BCAP31: variants seen among roughly 807,000 people sequenced by gnomAD.
The protein encoded by BCAP31 is B-cell receptor-associated protein 31.
For synonymous variants in BCAP31, 75 were observed against 80.9 expected, an observed-to-expected ratio of 0.93 and a Z score of 0.39; for missense variants, 124 against 193.0, an observed-to-expected ratio of 0.64 and a Z score of 2.12.
In BCAP31 at chrX:153,713,049, T is replaced by C. The variant is rs191805042; in HGVS notation, c.341+2493A>G. ...GGTGAAACCCCGTCTCTACTAAAAA[T>C]ACAAAAAATTAGCAGGGCATGGTGG... is the stretch of plus-strand genomic sequence containing the variant. On this transcript the variant is annotated intron_variant, in intron 4 of 7. Coordinates refer to ENST00000345046, the MANE Select transcript of BCAP31 (RefSeq NM_001256447.2). Among the ~76,000 whole-genome samples the C allele has an allele frequency of 2.7e-5, 3 of 110,929 alleles. No individual in the cohort carries two copies. The East Asian group carries it at 8.5e-4, about 32-fold the overall frequency.
At chrX:153,720,707 T>C (rs918866836) in intron 3 of BCAP31, among the ~76,000 whole-genome samples, 165 bp downstream of exon 3, 1 of 112,231 alleles carries the variant, frequency 8.9e-6, no homozygotes, top group Non-Finnish European at 1.9e-5. Flanking sequence ...GTCAGCAGCA[T>C]GGGCAAAGGG....
In BCAP31 at chrX:153,700,962, C is replaced by T. The variant is rs1557047235; in HGVS notation, c.716G>A (p.Gly239Asp). Residue 239 changes from glycine (G) to aspartate (D), a missense_variant, in exon 8 of 8, where the codon GGT becomes GAT. Coordinates refer to ENST00000345046, the MANE Select transcript of BCAP31 (RefSeq NM_001256447.2). ...EHAKLQAAVD[G>D]PMDKKEE is the part of the protein sequence containing the mutation. ...TTACTCTTCCTTCTTGTCCATGGGA[C>T]CATCTACTGCAGCCTGGAAAGGGAC... 9.1e-6 allele frequency: 11 copies of T among 1,205,017 alleles called. No homozygotes were observed. The highest frequency in any genetic ancestry group is 1.1e-5 in the Non-Finnish European group (10 of 893,049).
rs199931089 is a variant in BCAP31, at chrX:153,702,926, G to C, written c.601+9C>G. 1.7e-6 allele frequency: 2 copies of C among 1,209,254 alleles called. No homozygotes were observed. The highest frequency in any genetic ancestry group is 3.0e-5 in the East Asian group (1 of 33,829). On this transcript the variant is annotated intron_variant, in intron 6 of 7. Coordinates refer to ENST00000345046, the MANE Select transcript of BCAP31 (RefSeq NM_001256447.2). ...TCCCTGCGGGGAAGGACACGAGGTC[G>C]AGCCTCACTTTGCTTAGTGCTGGCC...
intron 3 of BCAP31, among the ~76,000 whole-genome samples, chrX:153,716,311 G>A (rs1557050108): frequency 9.1e-6 from 1 of 110,011 alleles, no homozygotes; most frequent in African/African-American, 3.3e-5. Context: ...AAATGGGGGT[G>A]GCTTCCTTTT....
At chrX:153,723,797 C>T in intron 1 of BCAP31, 1 of 830,949 alleles carries the variant, frequency 1.2e-6, no homozygotes, top group South Asian at 2.5e-5. Flanking sequence ...CTCCCACCGT[C>T]CCCACGGCGC....
intron 3 of BCAP31, among the ~76,000 whole-genome samples, chrX:153,719,081 A>C (rs781908724): frequency 8.9e-6 from 1 of 111,946 alleles, no homozygotes; most frequent in South Asian, 3.8e-4. Flanking sequence ...AGAACTTCCA[A>C]GCAGTTCCCC....
At chrX:153,712,478 T>C (rs2091599149) in intron 4 of BCAP31, among the ~76,000 whole-genome samples, 1 of 111,715 alleles carries the variant, frequency 9.0e-6, no homozygotes, top group Non-Finnish European at 1.9e-5. Flanking sequence ...AAAACATTCA[T>C]GATAAACTGA....
rs2091620881 is a variant in BCAP31 at position 153,715,524 on chromosome X, C to T, written c.341+18G>A. The T allele has an allele frequency of 8.3e-7, 1 of 1,209,391 alleles. No individual in the cohort carries two copies. On this transcript the variant is annotated intron_variant, in intron 4 of 7. Coordinates refer to ENST00000345046, the MANE Select transcript of BCAP31 (RefSeq NM_001256447.2). ...ATGGCTCCTTTCACAGCACCTGCCC[C>T]CTCAACCCCCCACTCACAAGGACAG...
chrX:153,716,578 C>CAAAA (rs782072647), intron 3 of BCAP31, among the ~76,000 whole-genome samples: 2 of 27,342 alleles, frequency 7.3e-5, no homozygotes, highest in African/African-American at 1.7e-4. Context: ...TCTCTCTCAA[C>CAAAA]AAAAAAAAAA....
At chrX:153,712,623 T>G (rs1167080895) in intron 4 of BCAP31, among the ~76,000 whole-genome samples, 1 of 111,059 alleles carries the variant, frequency 9.0e-6, no homozygotes, top group African/African-American at 3.3e-5. Context: ...TGCCGCACTC[T>G]CCCGTGTTCC....
At chrX:153,703,169 C>T in intron 5 of BCAP31, 111 bp from the exon 6 acceptor site, 1 of 1,054,455 alleles carries the variant, frequency 9.5e-7, no homozygotes. Context: ...CCACACGCCC[C>T]TTCGGAAATG....
intron 4 of BCAP31, among the ~76,000 whole-genome samples, chrX:153,707,865 G>A (rs1336094712): frequency 2.6e-5 from 3 of 113,209 alleles, no homozygotes; most frequent in African/African-American, 6.4e-5. Context: ...GCACGTTAAC[G>A]TGCGCTTGTC....
intron 4 of BCAP31, among the ~76,000 whole-genome samples, chrX:153,713,641 C>T (rs959278887): frequency 2.2e-4 from 24 of 111,396 alleles, no homozygotes; most frequent in Admixed American, 2.9e-4. Context: ...GGTGGCAATG[C>T]CTTCTGCAGA....
rs1450452905 is a variant in BCAP31 at position 153,723,916 on chromosome X, A to T, written c.-45+418T>A. 4 of 495,442 alleles carry T rather than the reference A, an allele frequency of 8.1e-6. No homozygotes were observed. In the Admixed American group the frequency reaches 1.1e-4, roughly 13 times the overall value. The allele number at this position is 495,442 out of a possible 1,213,427, so 40.8% of individuals were successfully genotyped here. On this transcript the variant is annotated intron_variant, in intron 1 of 7. Coordinates refer to ENST00000345046, the MANE Select transcript of BCAP31 (RefSeq NM_001256447.2). ...GCAAGAGCGACTCCTAGAGGGCAGG[A>T]TTCGGGACCAAGCGCAAAGGCAGGT... is the stretch of plus-strand genomic sequence containing the variant.
rs141330599 is a variant in BCAP31 at position 153,702,358 on chromosome X, G to C, written c.602-251C>G. ...ATCCCCCAGTCCCTTTAATGGAGAG[G>C]AACTCTAGTGGCTCTCGGCAAGGGT... On this transcript the variant is annotated intron_variant, in intron 6 of 7. Transcript: ENST00000345046. The C allele has an allele frequency of 3.7e-3, 1,127 of 308,457 alleles. 4 individuals are homozygous for C. Among genetic ancestry groups the C allele is most frequent in the Admixed American group, 0.01 (180 of 17,892 alleles). 25.4% of individuals were successfully genotyped at this position (308,457 alleles called of 1,213,427 possible). A position where few individuals can be genotyped will look rare whatever the true frequency, so the allele number is the denominator to read the frequency against.
intron 3 of BCAP31, among the ~76,000 whole-genome samples, chrX:153,717,314 C>G (rs960185513): frequency 8.9e-6 from 1 of 112,548 alleles, no homozygotes; most frequent in Non-Finnish European, 1.9e-5. Flanking sequence ...CCACGCCAAA[C>G]CTACTGCTTT....
chrX:153,722,348 TC>T (rs1462573065), intron 2 of BCAP31, among the ~76,000 whole-genome samples: 1 of 111,807 alleles, frequency 8.9e-6, no homozygotes, highest in Non-Finnish European at 1.9e-5. Context: ...CCCTTCCCTC[TC>T]CCTCTTTCAT....
chrX:153,702,201 A>C (rs1454208331), intron 6 of BCAP31, 94 bp from the exon 7 acceptor site: 1 of 745,603 alleles, frequency 1.3e-6, no homozygotes, highest in Non-Finnish European at 2.0e-6. Flanking sequence ...AAACTGGCCC[A>C]AATCTATCTC....
In BCAP31 at chrX:153,700,979, G is replaced by A. The variant is rs372592828; in HGVS notation, c.703-4C>T. On this transcript the variant is annotated splice_polypyrimidine_tract_variant and splice_region_variant and intron_variant, in intron 7 of 7. Transcript: ENST00000345046. ...CCATGGGACCATCTACTGCAGCCTGGAAAGGGACAGAAATCCCACAGCAGT... is the reference window on the plus strand; with the variant it reads ...CCATGGGACCATCTACTGCAGCCTGAAAAGGGACAGAAATCCCACAGCAGT... The A allele has an allele frequency of 1.7e-6, 2 of 1,205,062 alleles. No individual in the cohort carries two copies. Among genetic ancestry groups the A allele is most frequent in the Non-Finnish European group, 2.2e-6 (2 of 892,245 alleles).
Sources: gnomAD v4.1 joint callset for allele counts (sites outside exome capture counted in the v4.1 genomes callset) on GRCh38, gnomAD v4.1.1 for gene constraint, MANE v1.5 for transcripts, NCBI Gene and HGNC (gene_info 2026-07-23, HGNC 2026-07-21) for gene names.